The following TBC1D22A variants were observed in gnomAD, a reference collection of about 807,000 sequenced individuals.
The protein encoded by TBC1D22A is TBC1 domain family member 22A, also known as putative GTPase activator.
TBC1D22A carries 38 observed loss-of-function variants against 60.2 expected under a neutral mutation model. The observed-to-expected ratio is 0.63, with a 90% CI of 0.49 to 0.83. The LOEUF is 0.83. Among genes scored for constraint, TBC1D22A ranks in the 40% least tolerant of loss-of-function variants. TBC1D22A has a pLI of 0.00. For missense variants in TBC1D22A, 628 were observed against 701.0 expected (o/e 0.90, Z 1.18); for synonymous variants, 302 against 281.7 (o/e 1.07, Z -0.72).
intron 3 of TBC1D22A, among the ~76,000 whole-genome samples, chr22:46,796,165 G>A (rs984598418): frequency 5.9e-5 from 9 of 152,236 alleles, no homozygotes; most frequent in Non-Finnish European, 1.2e-4. Flanking sequence ...GTCAGGGAGA[G>A]TGGGCAGCGG....
intron 1 of TBC1D22A, 140 bp from the exon 2 acceptor site, chr22:46,792,379 AG>A (rs2084450647): frequency 8.9e-6 from 10 of 1,125,650 alleles, no homozygotes; most frequent in East Asian, 4.8e-5. Context: ...GGGTGGCTGC[AG>A]GGGGGCCTGC....
At chr22:47,136,850 G>A (rs1457008861) in intron 12 of TBC1D22A, among the ~76,000 whole-genome samples, 1 of 152,068 alleles carries the variant, frequency 6.6e-6, no homozygotes, top group Non-Finnish European at 1.5e-5. Flanking sequence ...GCATCGGTAG[G>A]GTGGTGGCAG....
intron 9 of TBC1D22A, among the ~76,000 whole-genome samples, chr22:46,984,406 A>G (rs1035125823): frequency 1.5e-5 from 2 of 129,716 alleles, no homozygotes; most frequent in Admixed American, 1.6e-4. Context: ...AAAAAAAAAA[A>G]GAGAAGTTCC....
intron 8 of TBC1D22A, among the ~76,000 whole-genome samples, chr22:46,941,273 G>T (rs1467157481): frequency 6.9e-6 from 1 of 145,044 alleles, no homozygotes; most frequent in South Asian, 2.2e-4. Context: ...TGGGGCACTA[G>T]CACACATATA....
At chr22:46,812,838 G>A (rs1032785472) in intron 4 of TBC1D22A, among the ~76,000 whole-genome samples, 2 of 152,140 alleles carry the variant, frequency 1.3e-5, no homozygotes, top group African/African-American at 4.8e-5. Flanking sequence ...TGCTTGTTTC[G>A]ACTTAATGTT....
chr22:47,163,809 G>A (rs895438642), intron 12 of TBC1D22A, among the ~76,000 whole-genome samples: 1 of 152,212 alleles, frequency 6.6e-6, no homozygotes, highest in Non-Finnish European at 1.5e-5. Context: ...CCACGGGGTC[G>A]TTTCCTCATG....
At chr22:47,158,611 C>T (rs992628949) in intron 12 of TBC1D22A, among the ~76,000 whole-genome samples, 1 of 152,134 alleles carries the variant, frequency 6.6e-6, no homozygotes, top group African/African-American at 2.4e-5. Flanking sequence ...GGGCCGGGAG[C>T]CCAACTGCCA....
chr22:46,982,975 T>C (rs1221594437), intron 9 of TBC1D22A, among the ~76,000 whole-genome samples: 3 of 152,234 alleles, frequency 2.0e-5, no homozygotes, highest in Non-Finnish European at 4.4e-5. Context: ...CAGCTCCGCC[T>C]GGGAAGAACC....
At chr22:47,050,256 C>T (rs535342161) in intron 11 of TBC1D22A, among the ~76,000 whole-genome samples, 90 of 151,766 alleles carry the variant, frequency 5.9e-4, no homozygotes, top group Non-Finnish European at 9.6e-4. Flanking sequence ...CCGCCCGCCT[C>T]GGCCCCCCAG....
At position 47,168,476 on chromosome 22, in the gene TBC1D22A, G is replaced by T. The variant is rs568666115; in HGVS notation, c.1426-5022G>T. On this transcript the variant is annotated intron_variant, in intron 12 of 12. Transcript: ENST00000337137. ...ACACACAGACCTGTTGAAGTAGATG[G>T]TGGAGATGCTGGGGAGAGCAGCAGG... Among the ~76,000 whole-genome samples, 45 of 152,374 alleles carry T rather than the reference G, an allele frequency of 3.0e-4. 1 individual carries two copies. Among genetic ancestry groups the T allele is most frequent in the Non-Finnish European group, 4.9e-4 (33 of 68,038 alleles).
chr22:47,015,659 A>G (rs1243519856), intron 10 of TBC1D22A, among the ~76,000 whole-genome samples: 2 of 152,216 alleles, frequency 1.3e-5, no homozygotes, highest in Non-Finnish European at 2.9e-5. Flanking sequence ...GCTCCCGGAC[A>G]GCAGCAGCCA....
chr22:47,102,275 G>GC (rs1484867377), intron 11 of TBC1D22A, among the ~76,000 whole-genome samples: 5 of 152,166 alleles, frequency 3.3e-5, no homozygotes, highest in African/African-American at 1.2e-4. Context: ...AAGTGGCCTT[G>GC]CGCTACGCAC....
At chr22:46,891,773 T>C (rs1290273473) in intron 6 of TBC1D22A, among the ~76,000 whole-genome samples, 1 of 152,158 alleles carries the variant, frequency 6.6e-6, no homozygotes, top group Non-Finnish European at 1.5e-5. Context: ...ACTTAGCTGA[T>C]GGCATCAGGA....
chr22:46,909,263 G>T (rs1266688004), intron 7 of TBC1D22A, among the ~76,000 whole-genome samples: 2 of 151,754 alleles, frequency 1.3e-5, no homozygotes, highest in Admixed American at 6.6e-5. Context: ...AATGGTGGGG[G>T]TGCTCCACTG....
rs1335090379 is a variant in TBC1D22A, at chr22:47,151,983, G to A, written c.1426-21515G>A. 3.3e-5 allele frequency among the ~76,000 whole-genome samples: 5 copies of A among 152,184 alleles called. No individual in the cohort carries two copies. The South Asian group carries it at 6.2e-4, about 19-fold the overall frequency. The stretch of plus-strand genomic sequence containing the variant: ...TGCAGAGGGCCGTGTGCATAGGAGC[G>A]TGTGCGGCCGTGGTCTGGGCCTTAC... On this transcript the variant is annotated intron_variant, in intron 12 of 12. Transcript: ENST00000337137.
In TBC1D22A at chr22:46,878,780, C is replaced by T. The variant is rs1468186257; in HGVS notation, c.708+57C>T. 18 of 1,566,286 alleles carry T rather than the reference C, an allele frequency of 1.1e-5. No individual in the cohort carries two copies. The East Asian group carries it at 3.6e-4, about 31-fold the overall frequency. ...CCTTCCTGTGCACAGGGACTGCAGG[C>T]GTCTGGCCTGAGTAGGGCCTGACAG... On this transcript the variant is annotated intron_variant, in intron 5 of 12. Coordinates refer to ENST00000337137, the MANE Select transcript of TBC1D22A (RefSeq NM_014346.5).
At chr22:47,170,576 G>T (rs1166472644) in intron 12 of TBC1D22A, among the ~76,000 whole-genome samples, 1 of 152,208 alleles carries the variant, frequency 6.6e-6, no homozygotes, top group African/African-American at 2.4e-5. Flanking sequence ...TGGAAGCCCA[G>T]CAACTGCGAA....
intron 8 of TBC1D22A, among the ~76,000 whole-genome samples, chr22:46,946,280 A>G (rs930649381): frequency 1.3e-5 from 2 of 152,218 alleles, no homozygotes; most frequent in Non-Finnish European, 2.9e-5. Context: ...CCTTGGCTGC[A>G]CAGAGGATGC....
chr22:46,953,012 CCTTG>C (rs2072999459), intron 8 of TBC1D22A, among the ~76,000 whole-genome samples: 1 of 152,078 alleles, frequency 6.6e-6, no homozygotes, highest in African/African-American at 2.4e-5. Context: ...ACTCTTTTTT[CCTTG>C]CTTCCCATAC....
Sources: allele counts gnomAD v4.1 joint callset (sites outside exome capture counted in the v4.1 genomes callset), GRCh38; gene constraint gnomAD v4.1.1; transcripts MANE v1.5; gene names NCBI Gene and HGNC (gene_info 2026-07-23, HGNC 2026-07-21).